SHPRH: variants seen among roughly 807,000 people sequenced by gnomAD.
SHPRH encodes the protein SNF2 histone linker PHD RING helicase.
Under a neutral mutation model 202.5 loss-of-function variants are expected in SHPRH, and 106 were observed. That is an observed-to-expected ratio of 0.52 (90% confidence interval 0.45 to 0.62). The LOEUF is 0.62. SHPRH is among the 20% of genes least tolerant of loss of function. The pLI is 0.00. For synonymous variants in SHPRH, 729 were observed against 686.0 expected (o/e 1.06, Z -0.98); for missense variants, 1,710 against 2,020.0 (o/e 0.85, Z 2.94).
At chr6:145,951,842 C>T (rs1256925372) in intron 3 of SHPRH, 5 of 455,998 alleles carry the variant, frequency 1.1e-5, no homozygotes, top group South Asian at 6.2e-5. Context: ...TGTTGATGAG[C>T]TGCACCAAGC....
At chr6:145,921,571 C>T (rs1004532753) in intron 20 of SHPRH, among the ~76,000 whole-genome samples, 179 bp from the exon 21 acceptor site, 1 of 151,372 alleles carries the variant, frequency 6.6e-6, no homozygotes, top group African/African-American at 2.4e-5. Context: ...ATTATATCCA[C>T]TGTAATAAAC....
chr6:145,865,592 C>T (rs1043341128), intron 2 of SHPRH, among the ~76,000 whole-genome samples: 6 of 152,200 alleles, frequency 3.9e-5, no homozygotes, highest in Non-Finnish European at 7.4e-5. Flanking sequence ...TAGAAGCAGA[C>T]GTTTAATTTC....
intron 21 of SHPRH, among the ~76,000 whole-genome samples, chr6:145,920,320 G>A (rs1167199922): frequency 2.0e-5 from 3 of 152,036 alleles, no homozygotes; most frequent in African/African-American, 7.2e-5. Context: ...GAATACAGGG[G>A]CAACTGAACA....
At chr6:145,943,945 G>T (rs1787084160) in intron 8 of SHPRH, 143 bp from the exon 9 acceptor site, 1 of 779,474 alleles carries the variant, frequency 1.3e-6, no homozygotes. Flanking sequence ...CTCCTGATAA[G>T]TGGCTTCCAA....
chr6:145,913,815 C>T (rs1168126339), intron 23 of SHPRH, among the ~76,000 whole-genome samples: 1 of 152,082 alleles, frequency 6.6e-6, no homozygotes, highest in African/African-American at 2.4e-5. Flanking sequence ...AATCTGAAAT[C>T]TGAAATGCTC....
chr6:145,907,463 T>A (rs1033853907), intron 25 of SHPRH: 1 of 152,134 alleles, frequency 6.6e-6, no homozygotes, highest in Non-Finnish European at 1.5e-5. Flanking sequence ...TCATGATACA[T>A]CCCTGCTTAT....
At chr6:145,887,941 C>T in intron 29 of SHPRH, 79 bp downstream of exon 29, 1 of 1,130,342 alleles carries the variant, frequency 8.8e-7, no homozygotes, top group Admixed American at 2.0e-5. Flanking sequence ...TCGTTGTCAT[C>T]TAAGTGAAGA....
At position 145,919,365 on chromosome 6, in the gene SHPRH, T is replaced by C. The variant is rs755354889; in HGVS notation, c.4135A>G (p.Ile1379Val). 2 of 1,613,036 alleles carry C rather than the reference T, an allele frequency of 1.2e-6. No homozygotes were observed. The highest frequency in any genetic ancestry group is 1.1e-5 in the South Asian group (1 of 91,046). Residue 1379 changes from isoleucine (I) to valine (V), a missense_variant, in exon 22 of 30, where the codon ATC (isoleucine) becomes GTC (valine). Coordinates refer to ENST00000275233, the MANE Select transcript of SHPRH (RefSeq NM_001042683.3). ...CCAATTACCTCATGTGGTTCAATGA[T>C]ATGAAGAACAGGCGGATTAGGCTTT... ...EPKPNPPVLH[I>V]IEPHEVEQNR...
intron 14 of SHPRH, among the ~76,000 whole-genome samples, chr6:145,929,846 A>C (rs954433480): frequency 6.6e-6 from 1 of 152,128 alleles, no homozygotes; most frequent in Non-Finnish European, 1.5e-5. Context: ...CATTGTGAGC[A>C]GGTTGAAAGT....
intron 25 of SHPRH, among the ~76,000 whole-genome samples, chr6:145,899,317 A>G (rs934169890): frequency 6.6e-6 from 1 of 152,186 alleles, no homozygotes; most frequent in Non-Finnish European, 1.5e-5. Context: ...AGTAATAAAA[A>G]TAGTACGCTA....
intron 14 of SHPRH, among the ~76,000 whole-genome samples, chr6:145,930,888 CTT>C (rs922019224): frequency 3.9e-5 from 6 of 152,146 alleles, no homozygotes; most frequent in Admixed American, 2.6e-4. Flanking sequence ...TTTTGAAACT[CTT>C]GTTTTAGGTA....
chr6:145,897,153 G>A (rs1782082094), intron 25 of SHPRH, among the ~76,000 whole-genome samples: 1 of 151,468 alleles, frequency 6.6e-6, no homozygotes, highest in Non-Finnish European at 1.5e-5. Context: ...CAACCCTTTA[G>A]GTAGACTAAG....
intron 7 of SHPRH, 69 bp downstream of exon 7, chr6:145,946,164 T>C (rs1787351251): frequency 1.7e-6 from 2 of 1,145,670 alleles, no homozygotes. Context: ...AAGATATCTC[T>C]AAGGATTGCA....
rs1426559045 is a variant in SHPRH, at chr6:145,926,402, T to C, written c.3202-106A>G. 3 of 913,536 alleles carry C rather than the reference T, an allele frequency of 3.3e-6. No individual in the cohort carries two copies. In the Admixed American group the frequency reaches 6.5e-5, roughly 20 times the overall value. The allele number at this position is 913,536 out of a possible 1,614,324, so 56.6% of individuals were successfully genotyped here. On this transcript the variant is annotated intron_variant, in intron 15 of 29. Transcript: ENST00000275233. ...GAACACTAACACCACATTAAGATCATATCACCAAATACTTTTCCTATAAAA... is the reference window on the plus strand; with the variant it reads ...GAACACTAACACCACATTAAGATCACATCACCAAATACTTTTCCTATAAAA...
chr6:145,868,992 G>T (rs1779930023), intron 2 of SHPRH, among the ~76,000 whole-genome samples: 1 of 152,148 alleles, frequency 6.6e-6, no homozygotes, highest in Non-Finnish European at 1.5e-5. Context: ...CTTCCAAAGT[G>T]GCTGTACCAT....
intron 19 of SHPRH, 114 bp from the exon 20 acceptor site, chr6:145,922,462 T>C: frequency 2.3e-6 from 3 of 1,303,268 alleles, no homozygotes; most frequent in Non-Finnish European, 3.1e-6. Flanking sequence ...TATGCCATTT[T>C]AGAAAAAACA....
At chr6:145,895,156 G>A (rs1477567038) in intron 25 of SHPRH, among the ~76,000 whole-genome samples, 179 bp from the exon 26 acceptor site, 2 of 151,948 alleles carry the variant, frequency 1.3e-5, no homozygotes, top group African/African-American at 2.4e-5. Context: ...CTTTAGCCTC[G>A]AAATGTAGAA....
downstream of SHPRH, among the ~76,000 whole-genome samples, chr6:145,880,317 A>G (rs1392423260): frequency 1.3e-5 from 2 of 152,284 alleles, no homozygotes; most frequent in East Asian, 1.9e-4. Flanking sequence ...TTCTTGACCC[A>G]TAACTGCCAA....
rs554164339 is a variant in SHPRH, at chr6:145,950,318, C to G, written c.928G>C (p.Glu310Gln). 21 of 1,613,170 alleles carry G rather than the reference C, an allele frequency of 1.3e-5. No homozygotes were observed. Among genetic ancestry groups the G allele is most frequent in the Non-Finnish European group, 1.7e-5 (20 of 1,179,384 alleles). ...LIPVLRPYQREAVNWMLQQEC... is the reference protein window; with the variant it reads ...LIPVLRPYQRQAVNWMLQQEC... ...TGTTGTAGCATCCAATTGACAGCCT[C>G]TCTTTGGTAGGGTCTCAACACAGGG... The change falls in exon 4 of 30, where the codon GAG (glutamate) becomes CAG (glutamine). Residue 310 changes from glutamate to glutamine, a missense_variant. Coordinates refer to ENST00000275233, the MANE Select transcript of SHPRH (RefSeq NM_001042683.3).
Sources: allele counts gnomAD v4.1 joint callset (sites outside exome capture counted in the v4.1 genomes callset), GRCh38; gene constraint gnomAD v4.1.1; transcripts MANE v1.5; gene names NCBI Gene and HGNC (gene_info 2026-07-23, HGNC 2026-07-21).